The following WNK2 variants were observed in gnomAD, a reference collection of about 807,000 sequenced individuals.
The protein encoded by WNK2 is serine/threonine-protein kinase WNK2.
Under a neutral mutation model 192.1 loss-of-function variants are expected in WNK2, and 67 were observed. The observed-to-expected ratio is 0.35, with a 90% confidence interval of 0.29 to 0.43. The LOEUF is 0.43. WNK2 is among the 20% of genes least tolerant of loss of function. The pLI is 1.00. For synonymous variants in WNK2, 1,439 were observed against 1,393.9 expected (o/e 1.03, Z -0.72); for missense variants, 2,698 against 3,089.7 (o/e 0.87, Z 3.01).
At chr9:93,311,613 T>TTG (rs71364368) in intron 28 of WNK2, among the ~76,000 whole-genome samples, 10,116 of 146,132 alleles carry the variant, frequency 0.069, 529 homozygotes, top group African/African-American at 0.15. Flanking sequence ...GTTTTTTTGT[T>TTG]TGTGTGTGTG....
At chr9:93,292,249 A>T (rs1007861720) in intron 21 of WNK2, 59 bp from the exon 22 acceptor site, 1 of 1,586,962 alleles carries the variant, frequency 6.3e-7, no homozygotes, top group African/African-American at 1.3e-5. Context: ...GTCAGCTGTG[A>T]GCCATCTCTG....
chr9:93,295,090 G>A (rs1850016533), intron 23 of WNK2, among the ~76,000 whole-genome samples: 1 of 152,222 alleles, frequency 6.6e-6, no homozygotes, highest in South Asian at 2.1e-4. Context: ...GCTGAGCCCA[G>A]CCTGTGCTTT....
At chr9:93,272,585 A>G (rs1305285840) in intron 19 of WNK2, among the ~76,000 whole-genome samples, 1 of 152,068 alleles carries the variant, frequency 6.6e-6, no homozygotes, top group Non-Finnish European at 1.5e-5. Context: ...CTAAAAATAC[A>G]AAATTAACTG....
In WNK2 at chr9:93,263,640, T is replaced by C. The variant is rs1429393582; in HGVS notation, c.3485T>C (p.Leu1162Pro). ...SCEGAFGGGRLEGRAARKHHR... is the reference protein window; with the variant it reads ...SCEGAFGGGRPEGRAARKHHR... The stretch of plus-strand genomic sequence containing the variant: ...GAAGGCGCCTTTGGAGGGGGCAGGC[T>C]GGAGGGCAGGGCAGCCCGAAAACAC... The change falls in exon 15 of 30, where the codon CTG becomes CCG. Residue 1162 changes from leucine (L) to proline (P), a missense_variant. Physicochemically the swap from Leu to Pro is moderately conservative, Grantham distance 98 (BLOSUM62 -3). This residue lies in a region of WNK2 where 893 missense variants were observed against 909.0 expected (regional missense o/e 0.98). Transcript: ENST00000427277. 3.1e-6 allele frequency: 5 copies of C among 1,605,680 alleles called. No individual in the cohort carries two copies. The highest frequency in any genetic ancestry group is 3.4e-5 in the Admixed American group (2 of 59,286).
Position 93,292,626 on chromosome 9 carries a change from C to G in WNK2, c.5161C>G (p.Leu1721Val). 4 of 1,582,740 alleles carry G rather than the reference C, an allele frequency of 2.5e-6. No individual in the cohort carries two copies. Among genetic ancestry groups the G allele is most frequent in the Non-Finnish European group, 3.4e-6 (4 of 1,164,538 alleles). ...GGGCCAGGCTAGCCACCCCCAGACA[C>G]TCGGCGCTCGAGCTTTGGGGTCCCC... The part of the protein sequence containing the change: ...VGGQASHPQT[L>V]GARALGSPRK... Residue 1721 changes from leucine (L) to valine (V), a missense_variant, in exon 23 of 30, where the codon CTC (leucine) becomes GTC (valine). Around this residue, in one of 7 missense-constraint regions of WNK2, gnomAD observed 1,098 missense variants for 1,101.0 expected, o/e 1.00. Coordinates refer to ENST00000427277, the MANE Select transcript of WNK2 (RefSeq NM_006648.4).
At position 93,184,151 on chromosome 9, in the gene WNK2, C is replaced by G. The variant is rs1385171393; in HGVS notation, c.-237C>G. ...ACGGAGCCCCGCCCTCCCCGCGCGCCGGGTCGGAGCCGGTGCGGGAGCGGA... is the reference window on the plus strand; with the variant it reads ...ACGGAGCCCCGCCCTCCCCGCGCGCGGGGTCGGAGCCGGTGCGGGAGCGGA... On this transcript the variant is annotated 5_prime_UTR_variant, in exon 1 of 30. Coordinates refer to ENST00000427277, the MANE Select transcript of WNK2 (RefSeq NM_006648.4). 1.3e-5 allele frequency among the ~76,000 whole-genome samples: 2 copies of G among 149,952 alleles called. No individual in the cohort carries two copies. The highest frequency in any genetic ancestry group is 3.0e-5 in the Non-Finnish European group (2 of 67,276).
chr9:93,195,711 A>AAAAAAAAAAG (rs1831142377), intron 2 of WNK2, among the ~76,000 whole-genome samples: 2 of 150,234 alleles, frequency 1.3e-5, no homozygotes, highest in Non-Finnish European at 3.0e-5. Context: ...AAAAAAAAAA[A>AAAAAAAAAAG]AAAAAAAAAA....
rs141568785 is a variant in WNK2 at position 93,234,241 on chromosome 9, A to G, written c.1076-567A>G. Reference sequence around the variant, plus strand: ...TCTGTGGTTCTGTCAGGTGGGTACCATTTTCTACCCCACCCTCATTCAGGG... The same window carrying G: ...TCTGTGGTTCTGTCAGGTGGGTACCGTTTTCTACCCCACCCTCATTCAGGG... On this transcript the variant is annotated intron_variant, in intron 4 of 29. Transcript: ENST00000427277. Among the ~76,000 whole-genome samples the G allele has an allele frequency of 1.8e-3, 280 of 152,202 alleles. 2 individuals are homozygous for G. The highest frequency in any genetic ancestry group is 6.2e-3 in the African/African-American group (258 of 41,534).
At chr9:93,260,195 C>G (rs552623291) in intron 12 of WNK2, among the ~76,000 whole-genome samples, 109 of 152,278 alleles carry the variant, frequency 7.2e-4, no homozygotes, top group African/African-American at 2.4e-3. Flanking sequence ...CGCTCTGGAA[C>G]ACATGATATG....
At chr9:93,225,926 G>A (rs1416153646) in intron 2 of WNK2, among the ~76,000 whole-genome samples, 7 of 151,932 alleles carry the variant, frequency 4.6e-5, no homozygotes, top group Non-Finnish European at 8.8e-5. Flanking sequence ...GTTGTGTTGT[G>A]TTGTGTTGTG....
chr9:93,230,319 C>T (rs1397604562), intron 3 of WNK2, among the ~76,000 whole-genome samples: 1 of 152,136 alleles, frequency 6.6e-6, no homozygotes, highest in Non-Finnish European at 1.5e-5. Context: ...AACCACTGGA[C>T]CCTGCAGCCT....
At chr9:93,317,679 G>A (rs763047796) in intron 29 of WNK2, 48 bp downstream of exon 29, 2 of 1,582,742 alleles carry the variant, frequency 1.3e-6, no homozygotes, top group African/African-American at 1.3e-5. Context: ...GCTGCCTCTG[G>A]GTCAGTACAG....
intron 8 of WNK2, among the ~76,000 whole-genome samples, chr9:93,248,955 C>T (rs1417494057): frequency 1.3e-5 from 2 of 152,230 alleles, no homozygotes; most frequent in East Asian, 3.8e-4. Context: ...GCACATCCTT[C>T]ATTTATCATT....
rs1854947321 is a variant in WNK2 at position 93,317,625 on chromosome 9, A to G, written c.6622A>G (p.Thr2208Ala). 1 of 1,612,638 alleles carries G rather than the reference A, an allele frequency of 6.2e-7. No individual in the cohort carries two copies. Among genetic ancestry groups the G allele is most frequent in the Non-Finnish European group, 8.5e-7 (1 of 1,179,702 alleles). The change falls in exon 29 of 30, where the codon ACA (threonine) becomes GCA (alanine). Residue 2208 changes from threonine to alanine, a missense_variant. This residue lies in a region of WNK2 where 167 missense variants were observed against 184.2 expected (regional missense o/e 0.91). Coordinates refer to ENST00000427277, the MANE Select transcript of WNK2 (RefSeq NM_006648.4). Reference protein sequence around the residue: ...PGAAPTLSVPTPDPESEKPD With the variant: ...PGAAPTLSVPAPDPESEKPD Reference sequence around the variant, plus strand: ...AGCCGCCCCGACCCTGTCCGTGCCCACACCAGGTACTGCCCTCTCCAACCT... The same window carrying G: ...AGCCGCCCCGACCCTGTCCGTGCCCGCACCAGGTACTGCCCTCTCCAACCT...
chr9:93,308,798 AAGGACAGGCC>A, intron 28 of WNK2: 2 of 1,421,088 alleles, frequency 1.4e-6, no homozygotes, highest in Non-Finnish European at 1.8e-6. Context: ...GGCAGGTGGA[AAGGACAGGCC>A]AGGCCAGGCC....
At chr9:93,301,489 C>T (rs982050003) in intron 26 of WNK2, among the ~76,000 whole-genome samples, 7 of 152,204 alleles carry the variant, frequency 4.6e-5, no homozygotes, top group African/African-American at 1.2e-4. Context: ...TGCCCTGTTT[C>T]GGCCACCATG....
intron 9 of WNK2, among the ~76,000 whole-genome samples, chr9:93,254,874 G>C (rs1388144941): frequency 6.6e-6 from 1 of 152,164 alleles, no homozygotes; most frequent in Non-Finnish European, 1.5e-5. Flanking sequence ...TTTGAGGATT[G>C]GCTGAACTGA....
rs1205987250 is a variant in WNK2, at chr9:93,317,541, G to C, written c.6538G>C (p.Val2180Leu). Residue 2180 changes from valine to leucine, a missense_variant, in exon 29 of 30, where the codon GTG (valine) becomes CTG (leucine). This residue lies in a region of WNK2 where 167 missense variants were observed against 184.2 expected (regional missense o/e 0.91). Transcript: ENST00000427277. ...ARAMTAPRAG[V>L]GMPRLPPAPG... ...GTAGATGACCGCACCTCGAGCAGGAGTGGGGATGCCACGTCTGCCCCCAGC... is the reference window on the plus strand; with the variant it reads ...GTAGATGACCGCACCTCGAGCAGGACTGGGGATGCCACGTCTGCCCCCAGC... 1.2e-6 allele frequency: 2 copies of C among 1,613,746 alleles called. No homozygotes were observed. Among genetic ancestry groups the C allele is most frequent in the Admixed American group, 3.3e-5 (2 of 60,024 alleles).
chr9:93,317,780 GC>G (rs1474317705), intron 29 of WNK2, 149 bp downstream of exon 29: 1 of 1,469,360 alleles, frequency 6.8e-7, no homozygotes, highest in Admixed American at 2.3e-5. Flanking sequence ...CCCCCCAGGT[GC>G]CCGTGCTGCC....
Sources: allele counts gnomAD v4.1 joint callset (sites outside exome capture counted in the v4.1 genomes callset), GRCh38; gene constraint gnomAD v4.1.1; regional missense constraint gnomAD v4.1.1; transcripts MANE v1.5; gene names NCBI Gene and HGNC (gene_info 2026-07-23, HGNC 2026-07-21).